The following ZNF469 variants were observed in gnomAD, a reference collection of about 807,000 sequenced individuals.
The protein encoded by ZNF469 is zinc finger protein 469.
A neutral mutation model predicts 1.0 loss-of-function variants in ZNF469; 1 was observed. The ratio of observed to expected loss-of-function variants is 1.00; its 90% CI spans 0.35 to 4.73. The LOEUF (loss-of-function observed/expected upper bound fraction) is 4.73. ZNF469 is among the 30% of genes most tolerant of loss of function. The pLI is 0.16. For synonymous variants in ZNF469, 2,703 were observed against 2,363.4 expected (o/e 1.14, Z -4.17); for missense variants, 6,100 against 5,356.3 (o/e 1.14, Z -4.33).
chr16:88,430,747 G>T lies in ZNF469; in HGVS notation c.3277G>T (p.Asp1093Tyr), dbSNP rs973227993. Residue 1093 changes from aspartate (D) to tyrosine (Y), a missense_variant, in exon 3 of 3, where the codon GAC becomes TAC. Physicochemically the swap from Asp to Tyr is radical, Grantham distance 160. Transcript: ENST00000565624. ...TGAGGACCGCAGGCTCCGCGAGTAC[G>T]ACTTCGCCTCGGAGTCCGAGGAGGA... ...GAEDRRLREY[D>Y]FASESEEDEQ... 1.3e-6 allele frequency: 2 copies of T among 1,503,728 alleles called. No individual in the cohort carries two copies. Among genetic ancestry groups the T allele is most frequent in the Non-Finnish European group, 1.8e-6 (2 of 1,133,476 alleles). The allele number at this position is 1,503,728 out of a possible 1,614,324, so 93.1% of individuals were successfully genotyped here. A position where few individuals can be genotyped will look rare whatever the true frequency, so the allele number is the denominator to read the frequency against.
chr16:88,172,355 G>A, the ZNF469 span, among the ~76,000 whole-genome samples: 10 of 152,280 alleles, frequency 6.6e-5, no homozygotes, highest in South Asian at 2.1e-4. Flanking sequence ...CAGCCAGGAT[G>A]GAAAGACTAT....
chr16:88,141,455 G>A, the ZNF469 span, among the ~76,000 whole-genome samples: 339 of 141,838 alleles, frequency 2.4e-3, 7 homozygotes, highest in Non-Finnish European at 4.5e-3. Context: ...CCTGGTCCCC[G>A]GAGCCTGCTA....
the ZNF469 span, among the ~76,000 whole-genome samples, chr16:88,335,748 T>G: frequency 6.6e-6 from 1 of 152,220 alleles, no homozygotes; most frequent in Non-Finnish European, 1.5e-5. Flanking sequence ...ACACCATGCA[T>G]GTTCATCCTT....
At chr16:88,380,630 C>G (rs1428249839), upstream of ZNF469, among the ~76,000 whole-genome samples, 1 of 148,306 alleles carries the variant, frequency 6.7e-6, no homozygotes, top group Non-Finnish European at 1.5e-5. Context: ...CAGACATGCG[C>G]TCACACACAT....
In ZNF469 at chr16:88,437,560, G is replaced by A. The variant is rs1295579555; in HGVS notation, c.10090G>A (p.Val3364Ile). 1.3e-6 allele frequency: 2 copies of A among 1,538,128 alleles called. No individual in the cohort carries two copies. Among genetic ancestry groups the A allele is most frequent in the Non-Finnish European group, 8.8e-7 (1 of 1,138,172 alleles). Residue 3364 changes from valine (V) to isoleucine (I), a missense_variant, in exon 3 of 3, where the codon GTC becomes ATC. Val to Ile is a conservative substitution (Grantham distance 29). Coordinates refer to ENST00000565624, the MANE Select transcript of ZNF469 (RefSeq NM_001367624.2). ...RHLAVHSPQR[V>I]YLCPRCPRVY... The stretch of plus-strand genomic sequence containing the variant: ...CCTGGCGGTGCACAGCCCGCAGCGC[G>A]TCTACCTGTGCCCCCGGTGCCCCCG...
chr16:88,237,167 CCT>C, the ZNF469 span, among the ~76,000 whole-genome samples: 7 of 96,500 alleles, frequency 7.3e-5, no homozygotes, highest in Non-Finnish European at 1.1e-4. Context: ...TCCCTGCCCT[CCT>C]TGCTCCTGCC....
At chr16:88,143,899 C>T in the ZNF469 span, among the ~76,000 whole-genome samples, 2 of 152,200 alleles carry the variant, frequency 1.3e-5, no homozygotes, top group African/African-American at 2.4e-5. Context: ...GCCGCTATTT[C>T]CCTGTGTTCG....
chr16:88,412,594 G>C (rs1288613822), intron 1 of ZNF469, among the ~76,000 whole-genome samples: 1 of 152,172 alleles, frequency 6.6e-6, no homozygotes, highest in Non-Finnish European at 1.5e-5. Flanking sequence ...AGTTGCCCCA[G>C]ACTGGGCCCT....
the ZNF469 span, among the ~76,000 whole-genome samples, chr16:88,238,237 T>A: frequency 6.6e-6 from 1 of 152,208 alleles, no homozygotes; most frequent in Non-Finnish European, 1.5e-5. Context: ...CTGAACTGCA[T>A]GGTAGGGAAC....
At chr16:88,188,920 A>G in the ZNF469 span, among the ~76,000 whole-genome samples, 106 of 152,196 alleles carry the variant, frequency 7.0e-4, no homozygotes, top group Admixed American at 1.2e-3. Flanking sequence ...CTGCTTCTGC[A>G]CGTAGGAGGC....
At chr16:88,184,741 G>C in the ZNF469 span, among the ~76,000 whole-genome samples, 8 of 152,100 alleles carry the variant, frequency 5.3e-5, no homozygotes, top group Non-Finnish European at 1.2e-4. Flanking sequence ...CAGCGTGTTG[G>C]GACGTGCGAG....
the ZNF469 span, among the ~76,000 whole-genome samples, chr16:88,288,332 A>G: frequency 2.6e-5 from 4 of 152,124 alleles, no homozygotes. Context: ...ATGTTTTCAC[A>G]TGTGTTTATT....
the ZNF469 span, among the ~76,000 whole-genome samples, chr16:88,158,280 G>A: frequency 6.6e-6 from 1 of 151,968 alleles, no homozygotes; most frequent in Admixed American, 6.6e-5. Context: ...AGGGAGTGGG[G>A]GCAGCTGTAA....
At chr16:88,266,937 G>A in the ZNF469 span, among the ~76,000 whole-genome samples, 2 of 152,230 alleles carry the variant, frequency 1.3e-5, no homozygotes, top group African/African-American at 4.8e-5. Flanking sequence ...TGTGAGCTTG[G>A]TGGCGGGGGC....
the ZNF469 span, among the ~76,000 whole-genome samples, chr16:88,204,859 G>T: frequency 1.3e-5 from 2 of 152,214 alleles, no homozygotes; most frequent in Admixed American, 6.5e-5. Flanking sequence ...ACGTGGAAAA[G>T]GGGGTGATTG....
chr16:88,410,354 TTGA>T (rs1905119579), intron 1 of ZNF469, among the ~76,000 whole-genome samples: 1 of 151,580 alleles, frequency 6.6e-6, no homozygotes, highest in African/African-American at 2.4e-5. Flanking sequence ...TATGATGCTG[TTGA>T]TGGTGCAGGT....
At chr16:88,162,953 G>A in the ZNF469 span, among the ~76,000 whole-genome samples, 2 of 152,246 alleles carry the variant, frequency 1.3e-5, no homozygotes, top group South Asian at 2.1e-4. Context: ...TTGGATGGAC[G>A]GATGGTTGGG....
At chr16:88,229,101 T>C in the ZNF469 span, among the ~76,000 whole-genome samples, 4 of 152,208 alleles carry the variant, frequency 2.6e-5, no homozygotes, top group Non-Finnish European at 4.4e-5. Flanking sequence ...ACATGAGAAT[T>C]TATTTTGCAC....
chr16:88,435,787 G>A lies in ZNF469; in HGVS notation c.8317G>A (p.Glu2773Lys), dbSNP rs958364332. The A allele has an allele frequency of 2.3e-5, 35 of 1,550,494 alleles. No homozygotes were observed. Among genetic ancestry groups the A allele is most frequent in the South Asian group, 5.9e-5 (5 of 84,072 alleles). ...ALGVCKESGSEPAEDSSRAHS... is the reference protein window; with the variant it reads ...ALGVCKESGSKPAEDSSRAHS... ...GGGTGTGTGCAAAGAGTCTGGGAGC[G>A]AGCCTGCGGAGGACAGCAGCAGGGC... The change falls in exon 3 of 3, where the codon GAG becomes AAG. Residue 2773 changes from glutamate (E) to lysine (K), a missense_variant. By Grantham distance (56) the Glu-to-Lys change is moderately conservative. Transcript: ENST00000565624.
Sources: allele counts gnomAD v4.1 joint callset (sites outside exome capture counted in the v4.1 genomes callset), GRCh38; gene constraint gnomAD v4.1.1; transcripts MANE v1.5; gene names NCBI Gene and HGNC (gene_info 2026-07-23, HGNC 2026-07-21).